VAMP4: variants seen among roughly 807,000 people sequenced by gnomAD.
The protein encoded by VAMP4 is vesicle associated membrane protein 4, also known as vesicle-associated membrane protein 4.
A neutral mutation model predicts 23.5 loss-of-function variants in VAMP4; 19 were observed. That is an observed-to-expected ratio of 0.81 (90% CI 0.56 to 1.19). VAMP4 has a LOEUF of 1.19. Among genes scored for constraint, VAMP4 ranks in the 50% most tolerant of loss-of-function variants. The pLI is 0.00. For missense variants in VAMP4, 145 were observed against 168.6 expected, an observed-to-expected ratio of 0.86 and a Z score of 0.78; for synonymous variants, 31 against 51.0, an observed-to-expected ratio of 0.61 and a Z score of 1.67.
intron 2 of VAMP4, among the ~76,000 whole-genome samples, chr1:171,735,541 A>G (rs1655714220): frequency 6.6e-6 from 1 of 152,244 alleles, no homozygotes; most frequent in Non-Finnish European, 1.5e-5. Context: ...CATATCTCAG[A>G]TATCAGTCAA....
At chr1:171,705,380 T>G (rs1039909949) in intron 7 of VAMP4, among the ~76,000 whole-genome samples, 20 of 152,040 alleles carry the variant, frequency 1.3e-4, no homozygotes, top group Non-Finnish European at 2.9e-4. Flanking sequence ...TTTTAAACAG[T>G]GAAATCACCA....
intron 2 of VAMP4, among the ~76,000 whole-genome samples, chr1:171,729,291 T>C (rs182127370): frequency 3.5e-4 from 54 of 152,230 alleles, no homozygotes; most frequent in Non-Finnish European, 7.6e-4. Context: ...ATTTCAAATT[T>C]TGGATTTTAG....
intron 6 of VAMP4, among the ~76,000 whole-genome samples, chr1:171,707,212 G>A (rs1306746440): frequency 1.3e-5 from 2 of 152,120 alleles, no homozygotes; most frequent in Non-Finnish European, 2.9e-5. Flanking sequence ...TAAGAGAGGT[G>A]TTAGCGATTC....
intron 6 of VAMP4, among the ~76,000 whole-genome samples, chr1:171,708,337 C>CAAAAAA (rs200077955): frequency 3.4e-5 from 3 of 87,434 alleles, no homozygotes; most frequent in Non-Finnish European, 7.0e-5. Context: ...AAGAGTGCCA[C>CAAAAAA]AAAAAAAAAA....
intron 3 of VAMP4, among the ~76,000 whole-genome samples, chr1:171,726,482 T>A (rs1655375132): frequency 6.6e-6 from 1 of 152,152 alleles, no homozygotes; most frequent in Admixed American, 6.5e-5. Context: ...CCTAGACCTG[T>A]CTGAGAGCTC....
chr1:171,734,267 C>CAAAAAA (rs35870022), intron 2 of VAMP4, among the ~76,000 whole-genome samples: 3 of 79,614 alleles, frequency 3.8e-5, no homozygotes, highest in Non-Finnish European at 7.4e-5. Context: ...GACTCCGTCT[C>CAAAAAA]AAAAAAAAAA....
In VAMP4 at chr1:171,706,429, C is replaced by T; in HGVS notation, c.346-11G>A. The T allele has an allele frequency of 1.2e-6, 2 of 1,603,932 alleles. No homozygotes were observed. The highest frequency in any genetic ancestry group is 1.7e-6 in the Non-Finnish European group (2 of 1,175,152). On this transcript the variant is annotated splice_polypyrimidine_tract_variant and intron_variant, in intron 6 of 7. Transcript: ENST00000236192. Reference sequence around the variant, plus strand: ...CATGATGGCTTTTATCTACAACACACAAAAGGGCATATATATTAATATTTG... The same window carrying T: ...CATGATGGCTTTTATCTACAACACATAAAAGGGCATATATATTAATATTTG...
chr1:171,702,080 C>G lies in VAMP4; in HGVS notation c.*2426G>C, dbSNP rs770537523. The G allele has an allele frequency of 3.3e-5, 5 of 151,946 alleles. No homozygotes were observed. Among genetic ancestry groups the G allele is most frequent in the Non-Finnish European group, 7.4e-5 (5 of 67,922 alleles). 9.4% of individuals were successfully genotyped at this position (151,946 alleles called of 1,614,324 possible). On this transcript the variant is annotated 3_prime_UTR_variant, in exon 8 of 8. Coordinates refer to ENST00000236192, the MANE Select transcript of VAMP4 (RefSeq NM_003762.5). ...CTTCATTTTTCAAGTGCAGGATGAT[C>G]TGAGCTGAATGAGAAAAAAAGTAAT...
intron 2 of VAMP4, among the ~76,000 whole-genome samples, chr1:171,737,668 G>T (rs901357696): frequency 5.9e-5 from 9 of 152,118 alleles, no homozygotes; most frequent in Admixed American, 2.0e-4. Context: ...ACTTCACTGA[G>T]AAATATTAAT....
chr1:171,739,584 G>A (rs866229529), intron 1 of VAMP4, among the ~76,000 whole-genome samples: 4 of 152,230 alleles, frequency 2.6e-5, no homozygotes, highest in African/African-American at 9.6e-5. Context: ...TGGAACTTGT[G>A]ATTGGCACCT....
At position 171,731,055 on chromosome 1, in the gene VAMP4, AC is replaced by A. The variant is rs766029965; in HGVS notation, c.67-2486del. On this transcript the variant is annotated intron_variant, in intron 2 of 7. Coordinates refer to ENST00000236192, the MANE Select transcript of VAMP4 (RefSeq NM_003762.5). ...CTGTCTCTACTAAAAATACAAAAAAACAAAAAAAGAAGAAGAAGAAGGATGT... is the reference window on the plus strand; with the variant it reads ...CTGTCTCTACTAAAAATACAAAAAAAAAAAAAAGAAGAAGAAGAAGGATGT... Among the ~76,000 whole-genome samples the A allele has an allele frequency of 1.8e-3, 252 of 137,884 alleles. 2 individuals are homozygous for A. The highest frequency in any genetic ancestry group is 6.1e-3 in the African/African-American group (221 of 36,190). The allele number at this position is 137,884 out of a possible 152,430, so 90.5% of individuals were successfully genotyped here.
At chr1:171,711,599 C>T (rs1000236190) in intron 4 of VAMP4, among the ~76,000 whole-genome samples, 2 of 152,168 alleles carry the variant, frequency 1.3e-5, no homozygotes, top group African/African-American at 2.4e-5. Flanking sequence ...TATCTACTCT[C>T]ATTCAGGAGT....
At chr1:171,708,922 G>A in intron 6 of VAMP4, among the ~76,000 whole-genome samples, 2 of 138,048 alleles carry the variant, frequency 1.4e-5, no homozygotes. Context: ...ACTTGAAATT[G>A]AAAATGAGAG....
chr1:171,723,195 A>C (rs1413975280), intron 3 of VAMP4, among the ~76,000 whole-genome samples: 1 of 152,140 alleles, frequency 6.6e-6, no homozygotes, highest in Non-Finnish European at 1.5e-5. Flanking sequence ...AAAATATCAC[A>C]AGGCAAATGG....
intron 2 of VAMP4, 103 bp downstream of exon 2, chr1:171,738,246 G>T: frequency 2.3e-6 from 3 of 1,310,744 alleles, no homozygotes; most frequent in Non-Finnish European, 3.2e-6. Context: ...GCGATTGCAG[G>T]CATGAGCAAC....
intron 2 of VAMP4, among the ~76,000 whole-genome samples, chr1:171,732,083 T>A (rs547020696): frequency 2.4e-4 from 36 of 152,256 alleles, no homozygotes; most frequent in African/African-American, 7.9e-4. Flanking sequence ...CACAAAAAAA[T>A]CTAGAACTTT....
chr1:171,710,852 T>C (rs1464245484), intron 4 of VAMP4, 38 bp from the exon 5 acceptor site: 9 of 1,445,834 alleles, frequency 6.2e-6, no homozygotes, highest in Non-Finnish European at 8.6e-6. Flanking sequence ...TATCCTTCTT[T>C]TGAGAATGCT....
At chr1:171,729,804 C>T (rs1358656101) in intron 2 of VAMP4, among the ~76,000 whole-genome samples, 6 of 152,118 alleles carry the variant, frequency 3.9e-5, no homozygotes, top group Non-Finnish European at 8.8e-5. Context: ...GGACTACAGG[C>T]GCATGCCACC....
intron 2 of VAMP4, among the ~76,000 whole-genome samples, chr1:171,736,668 CA>C (rs1655751124): frequency 6.7e-6 from 1 of 150,204 alleles, no homozygotes; most frequent in Non-Finnish European, 1.5e-5. Flanking sequence ...CAAAACAAAA[CA>C]AAACAAAACA....
Sources: gnomAD v4.1 joint callset for allele counts (sites outside exome capture counted in the v4.1 genomes callset) on GRCh38, gnomAD v4.1.1 for gene constraint, MANE v1.5 for transcripts, NCBI Gene and HGNC (gene_info 2026-07-23, HGNC 2026-07-21) for gene names.